The following FAM193B variants were observed in gnomAD, a reference collection of about 807,000 sequenced individuals.
FAM193B encodes the protein protein FAM193B.
Under a neutral mutation model 70.7 loss-of-function variants are expected in FAM193B, and 27 were observed. The ratio of observed to expected loss-of-function variants is 0.38; its 90% CI spans 0.28 to 0.53. The LOEUF is 0.53. FAM193B is among the 20% of genes least tolerant of loss of function. FAM193B has a pLI of 0.81. For synonymous variants in FAM193B, 448 were observed against 436.0 expected, an observed-to-expected ratio of 1.03 and a Z score of -0.34; for missense variants, 1,022 against 1,072.5, an observed-to-expected ratio of 0.95 and a Z score of 0.66.
At chr5:177,537,410 A>G (rs535738835) in intron 3 of FAM193B, among the ~76,000 whole-genome samples, 1 of 152,364 alleles carries the variant, frequency 6.6e-6, no homozygotes, top group Admixed American at 6.5e-5. Context: ...CACAGCTGCT[A>G]AATTAGCTAA....
chr5:177,551,265 C>G (rs535687819), intron 1 of FAM193B, among the ~76,000 whole-genome samples: 1 of 8,730 alleles, frequency 1.1e-4, no homozygotes, highest in South Asian at 8.9e-3. Context: ...TTCAGTTGTT[C>G]TTTATTTTTT....
In FAM193B at chr5:177,538,081, T is replaced by G. The variant is rs1032338152; in HGVS notation, c.480A>C (p.Lys160Asn). ...GAGAGTCATCTCCACAAGACTGTGA[T>G]TTGCAGGATGTGTGTGACAAGGAGA... The part of the protein sequence containing the change: ...VAISLSHTSC[K>N]SQSCGDDSHS... Residue 160 changes from lysine (K) to asparagine (N), a missense_variant, in exon 3 of 9, where the codon AAA becomes AAC. Coordinates refer to ENST00000514747, the MANE Select transcript of FAM193B (RefSeq NM_001190946.3). This position sits in a 1 kb window ranked among gnomAD's most constrained non-coding sequence, Gnocchi z 4.1. 1.9e-6 allele frequency: 3 copies of G among 1,547,404 alleles called. No individual in the cohort carries two copies. The South Asian group carries it at 3.6e-5, about 18-fold the overall frequency.
At chr5:177,523,135 G>A (rs767718909) in intron 7 of FAM193B, 4 of 272,328 alleles carry the variant, frequency 1.5e-5, no homozygotes, top group Non-Finnish European at 3.1e-5. Flanking sequence ...GAGTAGCTGG[G>A]ATTATAAGCA....
rs1766761415 is a variant in FAM193B, at chr5:177,554,326, G to T, written c.133C>A (p.Pro45Thr). 1.6e-6 allele frequency: 2 copies of T among 1,281,930 alleles called. No homozygotes were observed. Among genetic ancestry groups the T allele is most frequent in the African/African-American group, 3.1e-5 (2 of 64,582 alleles). The allele number at this position is 1,281,930 out of a possible 1,614,324, so 79.4% of individuals were successfully genotyped here. A position where few individuals can be genotyped will look rare whatever the true frequency, so the allele number is the denominator to read the frequency against. The change falls in exon 1 of 9, where the codon CCT (proline) becomes ACT (threonine). Residue 45 changes from proline (P) to threonine (T), a missense_variant. Coordinates refer to ENST00000514747, the MANE Select transcript of FAM193B (RefSeq NM_001190946.3). ...PSLEAGAGAGPPEAPAEPDHD... is the reference protein window; with the variant it reads ...PSLEAGAGAGTPEAPAEPDHD... ...TCGGGCTCCGCCGGCGCCTCCGGAGGGCCTGCACCCGCTCCCGCCTCCAGG... is the reference window on the plus strand; with the variant it reads ...TCGGGCTCCGCCGGCGCCTCCGGAGTGCCTGCACCCGCTCCCGCCTCCAGG...
intron 1 of FAM193B, among the ~76,000 whole-genome samples, chr5:177,542,498 C>T (rs527578903): frequency 3.3e-5 from 5 of 152,340 alleles, no homozygotes; most frequent in African/African-American, 7.2e-5. Flanking sequence ...TTTACACAAA[C>T]GTGAGTCTCT....
intron 1 of FAM193B, 134 bp downstream of exon 1, chr5:177,554,115 C>A: frequency 7.2e-7 from 1 of 1,398,350 alleles, no homozygotes; most frequent in Non-Finnish European, 9.3e-7. Context: ...GAGAAAGCTT[C>A]GGCGCCGGAC....
At position 177,554,261 on chromosome 5, in the gene FAM193B, C is replaced by A; in HGVS notation, c.198G>T (p.Val66=). The A allele has an allele frequency of 6.8e-7, 1 of 1,478,794 alleles. No individual in the cohort carries two copies. The highest frequency in any genetic ancestry group is 8.9e-7 in the Non-Finnish European group (1 of 1,118,510). 91.6% of individuals were successfully genotyped at this position (1,478,794 alleles called of 1,614,324 possible). Residue 66 remains valine (V), a synonymous_variant, in exon 1 of 9, where the codon GTG becomes GTT. Transcript: ENST00000514747. ...CGCTCGCTCCTACCTGCGGGCCGGG[C>A]ACCAGGTTGGGTTCGTCATCCTCCC... The part of the protein sequence containing the change: ...GPREDDEPNL[V]PGPQVPPASS...
chr5:177,532,254 A>G lies in FAM193B; in HGVS notation c.1275+189T>C. Reference sequence around the variant, plus strand: ...AACCATGAGAAGAGCAAAGGTAGCAAAATGTTTAAAAACCCCTACCTCACA... The same window carrying G: ...AACCATGAGAAGAGCAAAGGTAGCAGAATGTTTAAAAACCCCTACCTCACA... On this transcript the variant is annotated intron_variant, in intron 5 of 8. Transcript: ENST00000514747. This position sits in a 1 kb window ranked among gnomAD's most constrained non-coding sequence, Gnocchi z 4.9. 6.7e-7 allele frequency: 1 copy of G among 1,489,562 alleles called. No individual in the cohort carries two copies. The highest frequency in any genetic ancestry group is 1.3e-5 in the South Asian group (1 of 76,204). 92.3% of individuals were successfully genotyped at this position (1,489,562 alleles called of 1,614,324 possible).
intron 1 of FAM193B, chr5:177,553,539 A>T: frequency 8.8e-7 from 1 of 1,140,764 alleles, no homozygotes; most frequent in South Asian, 1.8e-5. Context: ...ACCTTCTTCC[A>T]GGTGGCAAGC....
At chr5:177,523,846 G>T in intron 7 of FAM193B, 111 bp downstream of exon 7, 1 of 1,257,084 alleles carries the variant, frequency 8.0e-7, no homozygotes, top group Non-Finnish European at 1.1e-6. Flanking sequence ...TCCCCAAGGG[G>T]TCAGGGCCAA....
chr5:177,523,331 T>C, intron 7 of FAM193B: 3 of 281,330 alleles, frequency 1.1e-5, no homozygotes, highest in Non-Finnish European at 1.5e-5. Context: ...ATTTGCATTA[T>C]TTAGTAATGT....
In FAM193B at chr5:177,538,148, A is replaced by C. The variant is rs1245783221; in HGVS notation, c.454-41T>G. 7.2e-5 allele frequency: 108 copies of C among 1,503,978 alleles called. No individual in the cohort carries two copies. Among genetic ancestry groups the C allele is most frequent in the Non-Finnish European group, 9.3e-5 (104 of 1,118,958 alleles). 93.2% of individuals were successfully genotyped at this position (1,503,978 alleles called of 1,614,324 possible). A position where few individuals can be genotyped will look rare whatever the true frequency, so the allele number is the denominator to read the frequency against. ...GAAAAAGGCTCACGGTCAAACAGCA[A>C]ACATCGGAGCTGACCCTCTGCTGCC... On this transcript the variant is annotated intron_variant, in intron 2 of 8. Coordinates refer to ENST00000514747, the MANE Select transcript of FAM193B (RefSeq NM_001190946.3). The surrounding 1 kb of genome is among the most constrained non-coding windows in gnomAD (Gnocchi z 4.1).
chr5:177,548,282 C>A (rs569722151), intron 1 of FAM193B, among the ~76,000 whole-genome samples: 1 of 152,292 alleles, frequency 6.6e-6, no homozygotes, highest in East Asian at 1.9e-4. Flanking sequence ...GTGAGCTTTT[C>A]AAGGGCAGAG....
intron 1 of FAM193B, among the ~76,000 whole-genome samples, chr5:177,548,103 CTCTT>C (rs1415686903): frequency 1.3e-5 from 2 of 152,036 alleles, no homozygotes; most frequent in African/African-American, 2.4e-5. Flanking sequence ...CCTTTTTCTT[CTCTT>C]TTTTTTAGGC....
At chr5:177,522,721 TTTTA>T (rs1761951372) in intron 7 of FAM193B, among the ~76,000 whole-genome samples, 1 of 152,170 alleles carries the variant, frequency 6.6e-6, no homozygotes, top group African/African-American at 2.4e-5. Context: ...ATATTTTTAT[TTTTA>T]TTTATTTGAG....
chr5:177,542,095 C>T (rs1184050833), intron 1 of FAM193B, among the ~76,000 whole-genome samples: 1 of 152,214 alleles, frequency 6.6e-6, no homozygotes, highest in Admixed American at 6.5e-5. Context: ...TTATAACCGA[C>T]AATTCAAATG....
intron 1 of FAM193B, among the ~76,000 whole-genome samples, chr5:177,540,087 A>T (rs1446024377): frequency 1.3e-5 from 2 of 152,046 alleles, no homozygotes; most frequent in Non-Finnish European, 2.9e-5. Flanking sequence ...TGGGCGGATC[A>T]CGAGGTCAGG....
intron 1 of FAM193B, among the ~76,000 whole-genome samples, chr5:177,545,051 A>AT (rs894827594): frequency 1.6e-4 from 24 of 150,598 alleles, no homozygotes; most frequent in East Asian, 5.8e-4. Context: ...CATTCTTCTA[A>AT]TTTTTTTTTT....
chr5:177,523,862 CAGG>C, intron 7 of FAM193B, 92 bp downstream of exon 7: 1 of 1,397,080 alleles, frequency 7.2e-7, no homozygotes, highest in Non-Finnish European at 1.0e-6. Flanking sequence ...GCCAAGGGAG[CAGG>C]CCTTTCTGAG....
Sources: allele counts gnomAD v4.1 joint callset (sites outside exome capture counted in the v4.1 genomes callset), GRCh38; gene constraint gnomAD v4.1.1; non-coding constraint Gnocchi (gnomAD v3.1); transcripts MANE v1.5; gene names NCBI Gene and HGNC (gene_info 2026-07-23, HGNC 2026-07-21).